IL1RAPL2: variants seen among roughly 807,000 people sequenced by gnomAD.
The protein encoded by IL1RAPL2 is interleukin 1 receptor accessory protein like 2, also known as X-linked interleukin-1 receptor accessory protein-like 2.
IL1RAPL2 carries 3 observed loss-of-function variants against 44.1 expected under a neutral mutation model. That is an observed-to-expected ratio of 0.07 (90% confidence interval 0.03 to 0.18). IL1RAPL2 has a LOEUF of 0.18. Among genes scored for constraint, IL1RAPL2 ranks in the 10% least tolerant of loss-of-function variants. The pLI is 1.00. For synonymous variants in IL1RAPL2, 181 were observed against 178.8 expected (o/e 1.01, Z -0.10); for missense variants, 391 against 496.4 (o/e 0.79, Z 2.02).
chrX:104,919,832 C>T (rs1180734374), intron 2 of IL1RAPL2, among the ~76,000 whole-genome samples: 5 of 110,229 alleles, frequency 4.5e-5, no homozygotes, highest in Admixed American at 2.9e-4. Context: ...TGAGCCACTG[C>T]GCCCAGCCCA....
chrX:105,179,306 G>C (rs1290188255), intron 2 of IL1RAPL2, among the ~76,000 whole-genome samples: 1 of 112,198 alleles, frequency 8.9e-6, no homozygotes, highest in Non-Finnish European at 1.9e-5. Flanking sequence ...CTTTAAATAT[G>C]TAGTTTTATT....
rs149661710 is a variant in IL1RAPL2 at position 104,713,116 on chromosome X, T to C, written c.82+54121T>C. ...TGTTACTATTGGAGAGCAAATTATG[T>C]ACTGCATGGGCCCTGGGATATCTTT... On this transcript the variant is annotated intron_variant, in intron 2 of 10. Coordinates refer to ENST00000372582, the MANE Select transcript of IL1RAPL2 (RefSeq NM_017416.2). Among the ~76,000 whole-genome samples the C allele has an allele frequency of 2.6e-4, 29 of 110,820 alleles. 1 individual carries two copies. Among genetic ancestry groups the C allele is most frequent in the Admixed American group, 1.9e-3 (20 of 10,376 alleles).
At chrX:104,823,260 C>T (rs1437178069) in intron 2 of IL1RAPL2, among the ~76,000 whole-genome samples, 1 of 111,166 alleles carries the variant, frequency 9.0e-6, no homozygotes, top group Non-Finnish European at 1.9e-5. Context: ...CCTCAACCCA[C>T]CCCACAACAG....
chrX:105,039,221 T>A (rs1258741836), intron 2 of IL1RAPL2, among the ~76,000 whole-genome samples: 1 of 111,814 alleles, frequency 8.9e-6, no homozygotes, highest in Non-Finnish European at 1.9e-5. Context: ...GTGCTGTAAC[T>A]AAGAATAATG....
intron 6 of IL1RAPL2, among the ~76,000 whole-genome samples, chrX:105,641,665 A>G (rs1490975251): frequency 1.8e-5 from 2 of 112,220 alleles, no homozygotes; most frequent in Non-Finnish European, 3.8e-5. Flanking sequence ...AGTGATGAGG[A>G]AAAGGAAAGA....
chrX:104,679,182 G>A, intron 2 of IL1RAPL2, among the ~76,000 whole-genome samples: 1 of 110,832 alleles, frequency 9.0e-6, no homozygotes, highest in African/African-American at 3.3e-5. Context: ...TTTTCTAGTT[G>A]TTCCTTCAAG....
intron 2 of IL1RAPL2, among the ~76,000 whole-genome samples, chrX:104,806,217 G>C (rs924762487): frequency 1.4e-4 from 16 of 112,158 alleles, no homozygotes; most frequent in African/African-American, 4.9e-4. Context: ...TTCTGGGTGG[G>C]AATTCTGTTT....
At chrX:105,657,780 A>AT (rs1380798614) in intron 6 of IL1RAPL2, among the ~76,000 whole-genome samples, 1 of 110,482 alleles carries the variant, frequency 9.1e-6, no homozygotes, top group African/African-American at 3.3e-5. Context: ...CACCCGGCTA[A>AT]TTTTTTGTAT....
intron 2 of IL1RAPL2, among the ~76,000 whole-genome samples, chrX:104,912,044 T>A (rs755523975): frequency 8.9e-6 from 1 of 111,922 alleles, no homozygotes; most frequent in Non-Finnish European, 1.9e-5. Context: ...TTATTTTGCT[T>A]CATAGTGCTT....
At chrX:104,999,662 G>T (rs1479472940) in intron 2 of IL1RAPL2, among the ~76,000 whole-genome samples, 2 of 111,488 alleles carry the variant, frequency 1.8e-5, no homozygotes, top group African/African-American at 6.5e-5. Context: ...GTATGCGTGG[G>T]TGTTACAACA....
At chrX:105,128,623 G>C (rs760922297) in intron 2 of IL1RAPL2, among the ~76,000 whole-genome samples, 1 of 111,011 alleles carries the variant, frequency 9.0e-6, no homozygotes, top group Admixed American at 9.6e-5. Context: ...GGTGTTTACT[G>C]ACTCCATACA....
intron 4 of IL1RAPL2, among the ~76,000 whole-genome samples, chrX:105,234,819 A>AG (rs2034105775): frequency 3.2e-5 from 3 of 94,023 alleles, no homozygotes; most frequent in African/African-American, 1.9e-4. Context: ...AAAAAAAAAA[A>AG]AAAAGAAGAG....
chrX:104,842,606 G>T (rs1921938029), intron 2 of IL1RAPL2, among the ~76,000 whole-genome samples: 1 of 112,313 alleles, frequency 8.9e-6, no homozygotes, highest in Non-Finnish European at 1.9e-5. Flanking sequence ...TGTCGTTGTT[G>T]TTGTCATTGC....
chrX:105,088,597 TATTTA>T (rs1200396169), intron 2 of IL1RAPL2, among the ~76,000 whole-genome samples: 1 of 110,896 alleles, frequency 9.0e-6, no homozygotes, highest in Non-Finnish European at 1.9e-5. Context: ...TGCTATCTCT[TATTTA>T]ATTGCTTTGG....
At chrX:104,804,719 A>G (rs1461155281) in intron 2 of IL1RAPL2, among the ~76,000 whole-genome samples, 1 of 112,298 alleles carries the variant, frequency 8.9e-6, no homozygotes, top group African/African-American at 3.2e-5. Context: ...GATATGTTCA[A>G]GATTATTCTG....
At chrX:104,601,749 A>C (rs1225604402) in intron 1 of IL1RAPL2, among the ~76,000 whole-genome samples, 1 of 112,140 alleles carries the variant, frequency 8.9e-6, no homozygotes, top group African/African-American at 3.2e-5. Flanking sequence ...TTAAGAAACA[A>C]CAGGTTGCAG....
intron 1 of IL1RAPL2, among the ~76,000 whole-genome samples, chrX:104,608,547 G>A (rs769544398): frequency 1.9e-4 from 21 of 110,234 alleles, no homozygotes; most frequent in African/African-American, 6.6e-5. Flanking sequence ...ATTTAGGATA[G>A]TTAGCTCTTG....
chrX:105,428,853 TTTAG>T (rs1201432712), intron 5 of IL1RAPL2, among the ~76,000 whole-genome samples: 1 of 111,472 alleles, frequency 9.0e-6, no homozygotes. Context: ...AGAATTTGTA[TTTAG>T]TTCAGAGACT....
chrX:104,628,992 G>A (rs963689944), intron 1 of IL1RAPL2, among the ~76,000 whole-genome samples: 1 of 111,227 alleles, frequency 9.0e-6, no homozygotes, highest in African/African-American at 3.3e-5. Context: ...GAGATAGACG[G>A]GTATGGATAG....
Sources: allele counts gnomAD v4.1 joint callset (sites outside exome capture counted in the v4.1 genomes callset), GRCh38; gene constraint gnomAD v4.1.1; transcripts MANE v1.5; gene names NCBI Gene and HGNC (gene_info 2026-07-23, HGNC 2026-07-21).